Variants in WWOX observed in about 807,000 individuals in gnomAD.
The protein encoded by WWOX is WW domain-containing oxidoreductase.
Under a neutral mutation model 46.2 loss-of-function variants are expected in WWOX, and 69 were observed. The observed-to-expected ratio is 1.49, with a 90% confidence interval of 1.23 to 1.82. WWOX has a LOEUF of 1.82. Among genes scored for constraint, WWOX ranks in the 40% most tolerant of loss-of-function variants. The pLI, the probability that WWOX is intolerant of heterozygous loss-of-function variation, is 0.00. For missense variants in WWOX, 919 were observed against 542.6 expected, an observed-to-expected ratio of 1.69 and a Z score of -6.89; for synonymous variants, 359 against 202.6, an observed-to-expected ratio of 1.77 and a Z score of -6.56.
chr16:78,317,448 A>T (rs988910594), intron 5 of WWOX, among the ~76,000 whole-genome samples: 1 of 152,178 alleles, frequency 6.6e-6, no homozygotes, highest in African/African-American at 2.4e-5. Context: ...CCGTGCCCAC[A>T]CAAAGAATGA....
chr16:78,648,437 G>A (rs2046894310), intron 8 of WWOX, among the ~76,000 whole-genome samples: 1 of 152,152 alleles, frequency 6.6e-6, no homozygotes, highest in Admixed American at 6.5e-5. Flanking sequence ...ACAGTCACTG[G>A]TCCCTAGGAT....
At chr16:78,897,253 A>AAAAAAAAAC (rs1555562301) in intron 8 of WWOX, 1 of 149,170 alleles carries the variant, frequency 6.7e-6, no homozygotes, top group African/African-American at 2.4e-5. Flanking sequence ...AAAAAAAAAA[A>AAAAAAAAAC]AAAAAAAAAA....
chr16:79,140,754 G>A (rs983019332), intron 8 of WWOX, among the ~76,000 whole-genome samples: 1 of 152,180 alleles, frequency 6.6e-6, no homozygotes, highest in African/African-American at 2.4e-5. Context: ...AAGCTTTCAA[G>A]GTGAGTTGTG....
chr16:79,187,938 G>A (rs1259623043), intron 8 of WWOX, among the ~76,000 whole-genome samples: 1 of 152,218 alleles, frequency 6.6e-6, no homozygotes, highest in Non-Finnish European at 1.5e-5. Flanking sequence ...TGGATGGCAA[G>A]GCACGATTGA....
At chr16:78,171,596 T>C (rs1213305967) in intron 5 of WWOX, among the ~76,000 whole-genome samples, 1 of 152,184 alleles carries the variant, frequency 6.6e-6, no homozygotes, top group East Asian at 1.9e-4. Flanking sequence ...CTTATCTCCA[T>C]TGTTCTGAAC....
chr16:78,786,336 T>C (rs754365896), intron 8 of WWOX, among the ~76,000 whole-genome samples: 1 of 152,218 alleles, frequency 6.6e-6, no homozygotes, highest in Non-Finnish European at 1.5e-5. Context: ...AATTTTAAGT[T>C]ATAAATATGA....
intron 4 of WWOX, among the ~76,000 whole-genome samples, chr16:78,161,502 A>G (rs1487854127): frequency 6.6e-6 from 1 of 151,312 alleles, no homozygotes; most frequent in African/African-American, 2.4e-5. Context: ...GCTGGAGTGC[A>G]GTGGCATAAT....
At chr16:79,198,001 C>T (rs1036234898) in intron 8 of WWOX, among the ~76,000 whole-genome samples, 8 of 152,178 alleles carry the variant, frequency 5.3e-5, no homozygotes, top group Middle Eastern at 3.4e-3. Context: ...ATCAATTGGT[C>T]ATCTACCAAA....
At chr16:78,726,462 G>C (rs1362981515) in intron 8 of WWOX, among the ~76,000 whole-genome samples, 7 of 151,984 alleles carry the variant, frequency 4.6e-5, no homozygotes. Context: ...TCAAGCTCCT[G>C]GCCTCAAGGG....
At chr16:78,979,881 T>C (rs1276996721) in intron 8 of WWOX, among the ~76,000 whole-genome samples, 2 of 152,132 alleles carry the variant, frequency 1.3e-5, no homozygotes, top group East Asian at 1.9e-4. Flanking sequence ...ATAATCCCAT[T>C]ACTTTGGGAG....
rs35592764 is a variant in WWOX, at chr16:78,631,540, C to CTTTT, written c.1056+198801_1056+198804dup. 3.5e-4 allele frequency among the ~76,000 whole-genome samples: 49 copies of CTTTT among 138,948 alleles called. 1 individual carries two copies. In the East Asian group the frequency reaches 4.7e-3, roughly 13 times the overall value. 91.2% of individuals were successfully genotyped at this position (138,948 alleles called of 152,430 possible). A position where few individuals can be genotyped will look rare whatever the true frequency, so the allele number is the denominator to read the frequency against. On this transcript the variant is annotated intron_variant, in intron 8 of 8. Coordinates refer to ENST00000566780, the MANE Select transcript of WWOX (RefSeq NM_016373.4). The stretch of plus-strand genomic sequence containing the variant: ...CAGATATTTTCAGTGTTAAAATATT[C>CTTTT]TTTTTTTTTTTTTTTTGAGACAGGG...
intron 5 of WWOX, among the ~76,000 whole-genome samples, chr16:78,273,548 C>A (rs1018258147): frequency 6.6e-6 from 1 of 152,094 alleles, no homozygotes. Flanking sequence ...GTCAGATTTG[C>A]CTTTCAGAAG....
At chr16:78,190,397 G>A (rs1862693) in intron 5 of WWOX, among the ~76,000 whole-genome samples, 1 of 151,938 alleles carries the variant, frequency 6.6e-6, no homozygotes, top group Non-Finnish European at 1.5e-5. Flanking sequence ...AATAAATCCC[G>A]CTTTGTGCTG....
At chr16:78,179,374 C>T (rs1345531627) in intron 5 of WWOX, among the ~76,000 whole-genome samples, 2 of 152,140 alleles carry the variant, frequency 1.3e-5, no homozygotes, top group African/African-American at 2.4e-5. Flanking sequence ...GTAACATTCT[C>T]AGATTGGAAA....
chr16:78,484,388 C>G (rs930551274), intron 8 of WWOX, among the ~76,000 whole-genome samples: 1 of 152,052 alleles, frequency 6.6e-6, no homozygotes, highest in African/African-American at 2.4e-5. Context: ...TGCTATTGAT[C>G]CAGCAGCTGG....
intron 8 of WWOX, among the ~76,000 whole-genome samples, chr16:79,042,628 C>G (rs529064706): frequency 1.4e-4 from 22 of 152,114 alleles, no homozygotes; most frequent in Non-Finnish European, 2.9e-4. Context: ...AGCTGTTGGG[C>G]TCAAGTGCAG....
chr16:79,063,865 G>C (rs2048396678), intron 8 of WWOX, among the ~76,000 whole-genome samples: 1 of 152,208 alleles, frequency 6.6e-6, no homozygotes, highest in South Asian at 2.1e-4. Context: ...TGCTCTTCCT[G>C]AAATCAATTT....
Position 78,778,865 on chromosome 16 carries a change from C to T in WWOX, c.1056+346113C>T, listed in dbSNP as rs1194538580. On this transcript the variant is annotated intron_variant, in intron 8 of 8. Coordinates refer to ENST00000566780, the MANE Select transcript of WWOX (RefSeq NM_016373.4). ...GGCGTCTCCTCCTAGAAGAAACACC[C>T]ACATTGACCCAGCAGTGTTCATTTT... Among the ~76,000 whole-genome samples the T allele has an allele frequency of 2.0e-5, 3 of 152,178 alleles. No homozygotes were observed. In the East Asian group the frequency reaches 5.8e-4, roughly 29 times the overall value.
rs533239215 is a variant in WWOX, at chr16:79,159,770, G to C, written c.1057-51838G>C. On this transcript the variant is annotated intron_variant, in intron 8 of 8. Transcript: ENST00000566780. Reference sequence around the variant, plus strand: ...AAATTTACTCAGTCGAGAAAAATTTGTGGAGTGCGAATTCTCCTCATGCTA... The same window carrying C: ...AAATTTACTCAGTCGAGAAAAATTTCTGGAGTGCGAATTCTCCTCATGCTA... Among the ~76,000 whole-genome samples, 3 of 152,344 alleles carry C rather than the reference G, an allele frequency of 2.0e-5. No homozygotes were observed. In the South Asian group the frequency reaches 6.2e-4, roughly 32 times the overall value.
Sources: gnomAD v4.1 joint callset for allele counts (sites outside exome capture counted in the v4.1 genomes callset) on GRCh38, gnomAD v4.1.1 for gene constraint, MANE v1.5 for transcripts, NCBI Gene and HGNC (gene_info 2026-07-23, HGNC 2026-07-21) for gene names.